ROBO1: variants seen among roughly 807,000 people sequenced by gnomAD.
The protein encoded by ROBO1 is roundabout guidance receptor 1.
A neutral mutation model predicts 195.9 loss-of-function variants in ROBO1; 149 were observed. The observed-to-expected ratio is 0.76, with a 90% CI of 0.67 to 0.87. The LOEUF is 0.87. ROBO1 is among the 40% of genes least tolerant of loss of function. The pLI, the probability that ROBO1 is intolerant of heterozygous loss-of-function variation, is 0.00. For missense variants in ROBO1, 1,933 were observed against 2,068.3 expected (o/e 0.93, Z 1.27); for synonymous variants, 816 against 733.2 (o/e 1.11, Z -1.82).
intron 3 of ROBO1, among the ~76,000 whole-genome samples, chr3:78,949,181 A>G (rs1193726203): frequency 1.5e-5 from 2 of 137,518 alleles, no homozygotes; most frequent in African/African-American, 5.9e-5. Flanking sequence ...ATATGGAACC[A>G]AAAAAGAGAC....
intron 2 of ROBO1, among the ~76,000 whole-genome samples, chr3:79,469,039 TACTA>T (rs1938123857): frequency 1.3e-5 from 2 of 152,112 alleles, no homozygotes; most frequent in African/African-American, 4.8e-5. Context: ...CTTAACAACC[TACTA>T]ACAAGACAAA....
rs1480798250 is a variant in ROBO1 at position 78,718,801 on chromosome 3, A to AG, written c.658-919dup. Among the ~76,000 whole-genome samples, 548 of 126,372 alleles carry AG rather than the reference A, an allele frequency of 4.3e-3. 6 individuals are homozygous for AG. The highest frequency in any genetic ancestry group is 0.014 in the African/African-American group (473 of 33,160). 82.9% of individuals were successfully genotyped at this position (126,372 alleles called of 152,430 possible). A position where few individuals can be genotyped will look rare whatever the true frequency, so the allele number is the denominator to read the frequency against. On this transcript the variant is annotated intron_variant, in intron 5 of 30. Coordinates refer to ENST00000464233, the MANE Select transcript of ROBO1 (RefSeq NM_002941.4). ...AAAGGAAGAAGGAAGGAAGGAAGGA[A>AG]GGAAGGGAGGGAGGGAGAGAGGGAG...
chr3:79,587,184 A>G (rs1943856628), intron 2 of ROBO1, among the ~76,000 whole-genome samples: 1 of 151,856 alleles, frequency 6.6e-6, no homozygotes, highest in African/African-American at 2.4e-5. Context: ...GAAACATAAT[A>G]GCAGTTTTAA....
chr3:79,098,381 A>G (rs183326805), intron 3 of ROBO1, among the ~76,000 whole-genome samples: 1 of 151,906 alleles, frequency 6.6e-6, no homozygotes, highest in Admixed American at 6.6e-5. Flanking sequence ...CTGGGTTCTC[A>G]TTGCCATTGT....
At chr3:79,647,846 CCGTAAGA>C (rs751857843) in intron 1 of ROBO1, among the ~76,000 whole-genome samples, 75 of 152,128 alleles carry the variant, frequency 4.9e-4, no homozygotes, top group Non-Finnish European at 8.1e-4. Context: ...AAACCGATTC[CCGTAAGA>C]TATATCAGTT....
At chr3:79,556,550 G>T (rs1384169751) in intron 2 of ROBO1, among the ~76,000 whole-genome samples, 5 of 151,908 alleles carry the variant, frequency 3.3e-5, no homozygotes, top group Non-Finnish European at 5.9e-5. Context: ...TTACTTTTTA[G>T]AACTCACTCC....
chr3:79,693,906 A>G (rs928649783), intron 1 of ROBO1, among the ~76,000 whole-genome samples: 9 of 151,842 alleles, frequency 5.9e-5, no homozygotes, highest in African/African-American at 2.2e-4. Flanking sequence ...TATCATGAGA[A>G]GTGGGTACAT....
intron 1 of ROBO1, among the ~76,000 whole-genome samples, chr3:79,732,371 T>A (rs1464724255): frequency 2.0e-5 from 2 of 101,524 alleles, no homozygotes; most frequent in African/African-American, 6.9e-5. Context: ...TAATATACTT[T>A]GTTTAAAATT....
At chr3:79,205,359 T>A (rs772431292) in intron 2 of ROBO1, among the ~76,000 whole-genome samples, 7 of 152,148 alleles carry the variant, frequency 4.6e-5, no homozygotes, top group African/African-American at 9.7e-5. Flanking sequence ...CATTTTTACT[T>A]ATAAACTGTA....
At chr3:79,496,804 C>T (rs1053333558) in intron 2 of ROBO1, among the ~76,000 whole-genome samples, 6 of 152,120 alleles carry the variant, frequency 3.9e-5, no homozygotes, top group Non-Finnish European at 7.3e-5. Context: ...ATGTCCATTA[C>T]TGTATAATAT....
At chr3:79,173,875 T>C (rs188256685) in intron 2 of ROBO1, among the ~76,000 whole-genome samples, 2 of 152,234 alleles carry the variant, frequency 1.3e-5, no homozygotes, top group East Asian at 3.9e-4. Flanking sequence ...TCAAGGTTTG[T>C]AAACACACCA....
At chr3:79,534,449 A>G (rs954486745) in intron 2 of ROBO1, among the ~76,000 whole-genome samples, 2 of 152,138 alleles carry the variant, frequency 1.3e-5, no homozygotes, top group African/African-American at 4.8e-5. Flanking sequence ...GTTCTAGAAG[A>G]AACTGTTCCA....
At chr3:78,730,206 C>T (rs879768616) in intron 5 of ROBO1, among the ~76,000 whole-genome samples, 2 of 152,162 alleles carry the variant, frequency 1.3e-5, no homozygotes, top group Non-Finnish European at 2.9e-5. Context: ...AATCCCTTTT[C>T]CTCTCTCTGG....
chr3:78,722,357 CT>C (rs2082063604), intron 5 of ROBO1, among the ~76,000 whole-genome samples: 1 of 152,032 alleles, frequency 6.6e-6, no homozygotes, highest in African/African-American at 2.4e-5. Flanking sequence ...TCAAATTTTT[CT>C]ACAAGAAATG....
chr3:79,077,792 A>G (rs539386437), intron 3 of ROBO1, among the ~76,000 whole-genome samples: 4 of 152,028 alleles, frequency 2.6e-5, no homozygotes, highest in East Asian at 1.9e-4. Context: ...AAGACATGCC[A>G]AATGCTGAAA....
chr3:79,284,559 C>T (rs1451301849), intron 2 of ROBO1, among the ~76,000 whole-genome samples: 3 of 151,982 alleles, frequency 2.0e-5, no homozygotes, highest in Non-Finnish European at 4.4e-5. Context: ...CAAAATACTT[C>T]GTAGTATACA....
At chr3:79,517,044 T>G (rs950097305) in intron 2 of ROBO1, among the ~76,000 whole-genome samples, 28 of 152,202 alleles carry the variant, frequency 1.8e-4, no homozygotes, top group Admixed American at 1.6e-3. Context: ...TTACCCTCTC[T>G]TTTTACCATA....
At chr3:79,253,345 G>A (rs1576880952) in intron 2 of ROBO1, among the ~76,000 whole-genome samples, 1 of 152,136 alleles carries the variant, frequency 6.6e-6, no homozygotes, top group East Asian at 1.9e-4. Flanking sequence ...CTGTGCTAAG[G>A]TAAACATACC....
chr3:78,657,287 CA>C lies in ROBO1; in HGVS notation c.2443-19del. The C allele has an allele frequency of 5.0e-6, 8 of 1,611,404 alleles. No homozygotes were observed. The highest frequency in any genetic ancestry group is 6.8e-6 in the Non-Finnish European group (8 of 1,178,644). ...CACCAAACCTGTAAGAAGCACATCA[CA>C]AAAATCAAGCTGGTAAATTACCTAA... On this transcript the variant is annotated intron_variant, in intron 17 of 30. Coordinates refer to ENST00000464233, the MANE Select transcript of ROBO1 (RefSeq NM_002941.4).
Sources: allele counts gnomAD v4.1 joint callset (sites outside exome capture counted in the v4.1 genomes callset), GRCh38; gene constraint gnomAD v4.1.1; transcripts MANE v1.5; gene names NCBI Gene and HGNC (gene_info 2026-07-23, HGNC 2026-07-21).